MS4A18: variants seen among roughly 807,000 people sequenced by gnomAD.
The protein encoded by MS4A18 is membrane spanning 4-domains A18, also known as membrane-spanning 4-domains subfamily A member 18.
Under a neutral mutation model 13.1 loss-of-function variants are expected in MS4A18, and 27 were observed. That is an observed-to-expected ratio of 2.06 (90% CI 1.52 to 2.84). The LOEUF is 2.84. Ranked by LOEUF, MS4A18 falls within the 30% of genes most tolerant of loss-of-function variation. The probability of loss-of-function intolerance (pLI) is 0.00; values close to 1 mark genes in which losing one functional copy is unlikely to be tolerated. For synonymous variants in MS4A18, 126 were observed against 76.5 expected (o/e 1.65, Z -3.38); for missense variants, 307 against 196.4 (o/e 1.56, Z -3.37).
At chr11:60,726,798 T>C (rs1224359072), upstream of MS4A18, among the ~76,000 whole-genome samples, 5 of 148,046 alleles carry the variant, frequency 3.4e-5, no homozygotes, top group Non-Finnish European at 7.4e-5. Context: ...CTGGGATACA[T>C]GTGCAGAACG....
At chr11:60,730,770 C>T (rs1853241963) in intron 1 of MS4A18, among the ~76,000 whole-genome samples, 2 of 152,168 alleles carry the variant, frequency 1.3e-5, no homozygotes, top group Admixed American at 1.3e-4. Flanking sequence ...AAATCCTGAA[C>T]TAAATTCTAT....
At chr11:60,741,354 G>A (rs560115970) in intron 5 of MS4A18, among the ~76,000 whole-genome samples, 2 of 152,168 alleles carry the variant, frequency 1.3e-5, no homozygotes, top group South Asian at 4.2e-4. Flanking sequence ...ATGATCAGTG[G>A]GTAGCTCTTC....
In MS4A18 at chr11:60,729,885, G is replaced by T. The variant is rs1853228178; in HGVS notation, c.477+93G>T. On this transcript the variant is annotated intron_variant, in intron 1 of 5. Transcript: ENST00000529108. ...GGGAATGTGTTGAGAGGGTAAAGGG[G>T]AGGTGGAGTGGGTGTGGGGGGCAGT... is the stretch of plus-strand genomic sequence containing the variant. 4 of 614,748 alleles carry T rather than the reference G, an allele frequency of 6.5e-6. No homozygotes were observed. The East Asian group carries it at 1.1e-4, about 17-fold the overall frequency. 38.1% of individuals were successfully genotyped at this position (614,748 alleles called of 1,614,324 possible).
chr11:60,733,042 C>T (rs1190892580), intron 1 of MS4A18, among the ~76,000 whole-genome samples: 1 of 152,236 alleles, frequency 6.6e-6, no homozygotes, highest in Non-Finnish European at 1.5e-5. Context: ...CGACAACTAT[C>T]TGAGAACGAT....
chr11:60,738,687 G>A (rs79685110), intron 3 of MS4A18, among the ~76,000 whole-genome samples: 2,089 of 151,600 alleles, frequency 0.014, 118 homozygotes, highest in Admixed American at 0.1. Context: ...AGACAAACCT[G>A]GACTTGTACC....
intron 1 of MS4A18, 22 bp downstream of exon 2, chr11:60,729,808 C>T: frequency 3.0e-6 from 2 of 676,096 alleles, no homozygotes; most frequent in Non-Finnish European, 2.7e-6. Flanking sequence ...TTCTCCTTCT[C>T]TCCGATTTGG....
chr11:60,741,312 G>C (rs1444053180), intron 5 of MS4A18, among the ~76,000 whole-genome samples, 169 bp downstream of exon 6: 2 of 152,152 alleles, frequency 1.3e-5, no homozygotes, highest in African/African-American at 4.8e-5. Context: ...CGGTTATTTA[G>C]CTCTTTATTC....
intron 2 of MS4A18, among the ~76,000 whole-genome samples, chr11:60,736,000 T>C (rs982601249): frequency 2.0e-5 from 3 of 152,166 alleles, no homozygotes; most frequent in African/African-American, 7.2e-5. Flanking sequence ...TATTTACCTA[T>C]ATGCCTAAGC....
At chr11:60,729,484 G>A in exon 1 of MS4A18, 1 of 702,838 alleles carries the variant, frequency 1.4e-6, no homozygotes, top group Non-Finnish European at 2.6e-6. Context: ...TACAGGAAGA[G>A]CAAACTTACA....
At chr11:60,729,058 C>T (rs528195363), upstream of MS4A18, among the ~76,000 whole-genome samples, 2 of 152,312 alleles carry the variant, frequency 1.3e-5, no homozygotes, top group East Asian at 3.9e-4. Context: ...GCAAAGCCAC[C>T]ATCCAGACTG....
At chr11:60,741,400 C>T (rs1373765906) in intron 5 of MS4A18, among the ~76,000 whole-genome samples, 1 of 152,170 alleles carries the variant, frequency 6.6e-6, no homozygotes, top group African/African-American at 2.4e-5. Flanking sequence ...TGTATCTTAG[C>T]TTGGGGATGG....
intron 2 of MS4A18, among the ~76,000 whole-genome samples, chr11:60,734,860 T>C (rs2134677264): frequency 1.3e-5 from 2 of 151,660 alleles, no homozygotes; most frequent in African/African-American, 4.8e-5. Context: ...CAGCTCACTG[T>C]AACCTCTGCC....
chr11:60,726,513 A>T (rs1044381475), upstream of MS4A18, among the ~76,000 whole-genome samples: 1 of 152,150 alleles, frequency 6.6e-6, no homozygotes, highest in African/African-American at 2.4e-5. Context: ...CAGATGGCTG[A>T]TCCTTGCCCC....
upstream of MS4A18, among the ~76,000 whole-genome samples, chr11:60,725,355 G>A (rs1197205159): frequency 1.3e-5 from 2 of 152,072 alleles, no homozygotes; most frequent in African/African-American, 2.4e-5. Flanking sequence ...CACCACGCCC[G>A]GCTAATTTTT....
chr11:60,725,509 G>A (rs969702331), upstream of MS4A18, among the ~76,000 whole-genome samples: 5 of 152,036 alleles, frequency 3.3e-5, no homozygotes, highest in Non-Finnish European at 2.9e-5. Context: ...TTTTCCTGAC[G>A]GGAGGTAGAA....
chr11:60,726,723 T>A (rs1853167274), upstream of MS4A18, among the ~76,000 whole-genome samples: 1 of 124,380 alleles, frequency 8.0e-6, no homozygotes, highest in South Asian at 2.4e-4. Context: ...AACACTTTTA[T>A]TTTATTTTAT....
chr11:60,729,583 A>G, exon 1 of MS4A18: 1 of 702,656 alleles, frequency 1.4e-6, no homozygotes, highest in Non-Finnish European at 2.6e-6. Context: ...GGGAACAGCC[A>G]GTTTGCAGAC....
chr11:60,731,051 G>A (rs547598460), intron 1 of MS4A18, among the ~76,000 whole-genome samples: 13 of 151,966 alleles, frequency 8.6e-5, no homozygotes, highest in African/African-American at 1.4e-4. Flanking sequence ...CCGAGACAGC[G>A]CCACTGCACT....
At chr11:60,725,078 A>G (rs1180399942), upstream of MS4A18, among the ~76,000 whole-genome samples, 1 of 152,232 alleles carries the variant, frequency 6.6e-6, no homozygotes, top group African/African-American at 2.4e-5. Context: ...AGACTCTGCT[A>G]GGCATTTTCT....
Sources: gnomAD v4.1 joint callset for allele counts (sites outside exome capture counted in the v4.1 genomes callset) on GRCh38, gnomAD v4.1.1 for gene constraint, MANE v1.5 for transcripts, NCBI Gene and HGNC (gene_info 2026-07-23, HGNC 2026-07-21) for gene names.